Variants in WDR27 observed in about 807,000 individuals in gnomAD.
WDR27 encodes the protein WD repeat domain 27.
WDR27 carries 100 observed loss-of-function variants against 114.4 expected under a neutral mutation model. The ratio of observed to expected loss-of-function variants is 0.87; its 90% CI spans 0.74 to 1.03. The LOEUF (loss-of-function observed/expected upper bound fraction) is 1.03. Among genes scored for constraint, WDR27 ranks in the 50% least tolerant of loss-of-function variants. The pLI is 0.00. For missense variants in WDR27, 1,129 were observed against 1,092.9 expected, an observed-to-expected ratio of 1.03 and a Z score of -0.47; for synonymous variants, 449 against 423.1, an observed-to-expected ratio of 1.06 and a Z score of -0.75.
At chr6:169,672,645 T>C (rs548354964) in intron 2 of WDR27, among the ~76,000 whole-genome samples, 3 of 106,710 alleles carry the variant, frequency 2.8e-5, no homozygotes, top group East Asian at 7.7e-4. Context: ...CGTTCTTCCA[T>C]TTATCACTTA....
Position 169,659,981 on chromosome 6 carries a change from C to T in WDR27, c.1130-463G>A, listed in dbSNP as rs528813972. On this transcript the variant is annotated intron_variant, in intron 10 of 25. Transcript: ENST00000448612. The surrounding 1 kb of genome is among the most constrained non-coding windows in gnomAD (Gnocchi z 4.3). ...CGTGTGTGAAGACACAGATGCATCC[C>T]ACAGCCCCACAGAGGTCTGAGCGTT... Among the ~76,000 whole-genome samples, 1 of 151,994 alleles carries T rather than the reference C, an allele frequency of 6.6e-6. No homozygotes were observed. Among genetic ancestry groups the T allele is most frequent in the South Asian group, 2.1e-4 (1 of 4,792 alleles).
intron 1 of WDR27, among the ~76,000 whole-genome samples, chr6:169,695,704 C>T (rs1400347176): frequency 6.6e-6 from 1 of 152,194 alleles, no homozygotes; most frequent in African/African-American, 2.4e-5. Context: ...TGCTAATCCC[C>T]AGAACCTCTG....
chr6:169,432,984 A>G, the WDR27 span, among the ~76,000 whole-genome samples: 2 of 152,342 alleles, frequency 1.3e-5, no homozygotes, highest in African/African-American at 2.4e-5. Context: ...TGATAATGAC[A>G]TGGATAATAA....
chr6:169,506,293 G>C (rs183405441), intron 25 of WDR27, among the ~76,000 whole-genome samples: 1 of 152,012 alleles, frequency 6.6e-6, no homozygotes. Flanking sequence ...ATTATAATCC[G>C]TATGCCATTA....
At position 169,670,564 on chromosome 6, in the gene WDR27, CTTACCTCAATA is replaced by C. The variant is rs1778445027; in HGVS notation, c.450_456+4del. 1.2e-6 allele frequency: 2 copies of C among 1,614,012 alleles called. No individual in the cohort carries two copies. The highest frequency in any genetic ancestry group is 1.7e-6 in the Non-Finnish European group (2 of 1,179,888). ...CCGTGAAATCCACGTGAATTTCAAT[CTTACCTCAATA>C]TCCAGCATGAATATTTTGTTTCCAG... is the stretch of plus-strand genomic sequence containing the variant. On this transcript the variant is annotated splice_donor_variant and splice_donor_region_variant and coding_sequence_variant and intron_variant, in exon 4 of 26. Coordinates refer to ENST00000448612, the MANE Select transcript of WDR27 (RefSeq NM_182552.5). LOFTEE classifies it high-confidence loss of function.
chr6:169,657,067 G>A (rs4440470), intron 13 of WDR27, among the ~76,000 whole-genome samples: 17,763 of 152,170 alleles, frequency 0.12, 1,125 homozygotes, highest in Non-Finnish European at 0.13. Flanking sequence ...CCGACAGTGG[G>A]TCTTTCATGG....
intron 22 of WDR27, among the ~76,000 whole-genome samples, chr6:169,609,259 C>T (rs1008761579): frequency 1.3e-5 from 2 of 152,194 alleles, no homozygotes; most frequent in Admixed American, 1.3e-4. Context: ...CACAGCTCCA[C>T]TAGGCAGTGC....
At chr6:169,548,935 G>A (rs1006040452) in intron 25 of WDR27, among the ~76,000 whole-genome samples, 5 of 152,146 alleles carry the variant, frequency 3.3e-5, no homozygotes, top group African/African-American at 4.8e-5. Context: ...ACTGCAAAAT[G>A]CAAAGCTATA....
intron 21 of WDR27, among the ~76,000 whole-genome samples, chr6:169,617,023 C>T (rs1298977627): frequency 6.6e-6 from 1 of 152,064 alleles, no homozygotes; most frequent in Admixed American, 6.6e-5. Flanking sequence ...GGTTTGACAC[C>T]ATGTGTAAGA....
At chr6:169,587,091 C>T (rs2128147886) in intron 23 of WDR27, among the ~76,000 whole-genome samples, 1 of 151,862 alleles carries the variant, frequency 6.6e-6, no homozygotes, top group East Asian at 1.9e-4. Flanking sequence ...TGCCTTAAGT[C>T]TGGTGTTCCT....
Position 169,684,100 on chromosome 6 carries a change from A to T in WDR27, c.189+4717T>A, listed in dbSNP as rs1430318174. ...CAACCCCAGTTGCATGGAGCCTGGG[A>T]CCAGGATCGGCTGTTGAGACTGGCC... is the stretch of plus-strand genomic sequence containing the variant. On this transcript the variant is annotated intron_variant, in intron 2 of 25. Coordinates refer to ENST00000448612, the MANE Select transcript of WDR27 (RefSeq NM_182552.5). This position sits in a 1 kb window ranked among gnomAD's most constrained non-coding sequence, Gnocchi z 4.3. Among the ~76,000 whole-genome samples the T allele has an allele frequency of 6.6e-6, 1 of 152,150 alleles. No individual in the cohort carries two copies. Among genetic ancestry groups the T allele is most frequent in the African/African-American group, 2.4e-5 (1 of 41,438 alleles).
At position 169,668,064 on chromosome 6, in the gene WDR27, T is replaced by G; in HGVS notation, c.578A>C (p.His193Pro). The G allele has an allele frequency of 6.2e-7, 1 of 1,613,870 alleles. No homozygotes were observed. The highest frequency in any genetic ancestry group is 8.5e-7 in the Non-Finnish European group (1 of 1,179,786). The change falls in exon 5 of 26, where the codon CAC becomes CCC. Residue 193 changes from histidine (H) to proline (P), a missense_variant. By Grantham distance (77) the His-to-Pro change is moderately conservative. Transcript: ENST00000448612. ...TQAVRAELQG[H>P]LGPVTAVEFC... ...CTCCACCGCAGTCACCGGGCCCAGG[T>G]GGCCCTGCAGCTCGGCCCGAACAGC... is the stretch of plus-strand genomic sequence containing the variant.
Position 169,544,591 on chromosome 6 carries a change from C to T in WDR27, c.2645+27828G>A, listed in dbSNP as rs939332538. 4.6e-5 allele frequency among the ~76,000 whole-genome samples: 7 copies of T among 152,186 alleles called. No homozygotes were observed. In the East Asian group the frequency reaches 5.8e-4, roughly 13 times the overall value. ...GTAGCTGGGACCACAGGCACCACCA[C>T]GCCCAGCTAATTTTTGTATTTTTAT... On this transcript the variant is annotated intron_variant, in intron 25 of 25. Coordinates refer to ENST00000448612, the MANE Select transcript of WDR27 (RefSeq NM_182552.5).
chr6:169,457,974 G>GGAGGAGGAGGAA (rs1784464848), intron 25 of WDR27, among the ~76,000 whole-genome samples: 1 of 6,510 alleles, frequency 1.5e-4, no homozygotes, highest in African/African-American at 3.1e-4. Flanking sequence ...CACTCCTGAC[G>GGAGGAGGAGGAA]GAGGAGGAGG....
intron 25 of WDR27, among the ~76,000 whole-genome samples, chr6:169,557,086 G>A (rs1799004879): frequency 6.6e-6 from 1 of 152,122 alleles, no homozygotes; most frequent in Non-Finnish European, 1.5e-5. Context: ...CACACAAACA[G>A]CTGTACAAGA....
chr6:169,653,895 G>C (rs1823282574), intron 13 of WDR27, among the ~76,000 whole-genome samples: 1 of 152,218 alleles, frequency 6.6e-6, no homozygotes. Flanking sequence ...GGAAGCCTGT[G>C]CCGTGATGGT....
chr6:169,692,790 A>G (rs561708849), intron 1 of WDR27, among the ~76,000 whole-genome samples: 36 of 152,188 alleles, frequency 2.4e-4, no homozygotes, highest in African/African-American at 8.7e-4. Context: ...CTGCCCAGGG[A>G]GACTCTGAGC....
At chr6:169,467,883 G>A (rs1785816663) in intron 25 of WDR27, among the ~76,000 whole-genome samples, 1 of 152,150 alleles carries the variant, frequency 6.6e-6, no homozygotes, top group Non-Finnish European at 1.5e-5. Context: ...GAACTTTTAT[G>A]CTCTGCTTTC....
intron 22 of WDR27, among the ~76,000 whole-genome samples, chr6:169,612,841 T>C (rs1429396374): frequency 6.6e-6 from 1 of 152,220 alleles, no homozygotes; most frequent in Admixed American, 6.5e-5. Context: ...GGTCAGTCAC[T>C]GGTTAAGACA....
Sources: allele counts gnomAD v4.1 joint callset (sites outside exome capture counted in the v4.1 genomes callset), GRCh38; gene constraint gnomAD v4.1.1; non-coding constraint Gnocchi (gnomAD v3.1); transcripts MANE v1.5; gene names NCBI Gene and HGNC (gene_info 2026-07-23, HGNC 2026-07-21).